Variants in ZNF618 observed in about 807,000 individuals in gnomAD.
The protein encoded by ZNF618 is neural precursor cell expressed, developmentally down-regulated 10.
ZNF618 carries 34 observed loss-of-function variants against 103.0 expected under a neutral mutation model. The ratio of observed to expected loss-of-function variants is 0.33; its 90% CI spans 0.25 to 0.44. The LOEUF (loss-of-function observed/expected upper bound fraction) is 0.44. Among genes scored for constraint, ZNF618 ranks in the 20% least tolerant of loss-of-function variants. The pLI is 1.00. For missense variants in ZNF618, 1,059 were observed against 1,295.4 expected, an observed-to-expected ratio of 0.82 and a Z score of 2.80; for synonymous variants, 551 against 542.2, an observed-to-expected ratio of 1.02 and a Z score of -0.23.
intron 2 of ZNF618, among the ~76,000 whole-genome samples, chr9:113,980,005 G>A (rs1341112487): frequency 6.6e-6 from 1 of 152,136 alleles, no homozygotes; most frequent in Non-Finnish European, 1.5e-5. Context: ...AACTGAAGTG[G>A]TGGTCGTGGT....
intron 10 of ZNF618, among the ~76,000 whole-genome samples, chr9:114,020,539 A>G (rs1208781929): frequency 1.3e-5 from 2 of 152,056 alleles, no homozygotes; most frequent in African/African-American, 4.8e-5. Flanking sequence ...ATTTCATTCC[A>G]TATCTCCAAG....
intron 1 of ZNF618, among the ~76,000 whole-genome samples, chr9:113,959,032 T>C (rs1564218856): frequency 6.6e-6 from 1 of 152,168 alleles, no homozygotes; most frequent in African/African-American, 2.4e-5. Context: ...CTCATGCCTG[T>C]AAATCCCAGC....
At chr9:113,990,217 G>A (rs149641317) in intron 3 of ZNF618, among the ~76,000 whole-genome samples, 2 of 152,246 alleles carry the variant, frequency 1.3e-5, no homozygotes, top group Non-Finnish European at 2.9e-5. Flanking sequence ...GGTGAGAGTG[G>A]GCTGTTTCTA....
intron 1 of ZNF618, among the ~76,000 whole-genome samples, chr9:113,907,829 C>T (rs1338059141): frequency 2.0e-5 from 3 of 152,192 alleles, no homozygotes; most frequent in Non-Finnish European, 4.4e-5. Flanking sequence ...ACTCTCTTTC[C>T]TTCCGATGGG....
intron 1 of ZNF618, among the ~76,000 whole-genome samples, chr9:113,881,199 G>C (rs1378353789): frequency 6.6e-6 from 1 of 152,214 alleles, no homozygotes; most frequent in Non-Finnish European, 1.5e-5. Context: ...TTTTTCTGGA[G>C]TTAGAGAGTC....
intron 13 of ZNF618, among the ~76,000 whole-genome samples, chr9:114,040,028 C>G (rs1844998956): frequency 6.6e-6 from 1 of 150,900 alleles, no homozygotes; most frequent in Non-Finnish European, 1.5e-5. Flanking sequence ...GAGCTTTTAA[C>G]TCATTTGTAT....
chr9:113,956,432 T>C (rs1340107872), intron 1 of ZNF618, among the ~76,000 whole-genome samples: 1 of 152,176 alleles, frequency 6.6e-6, no homozygotes, highest in Admixed American at 6.5e-5. Context: ...TTAAACTAGA[T>C]GAAATGATTC....
At chr9:114,034,071 C>G in intron 12 of ZNF618, among the ~76,000 whole-genome samples, 1 of 152,238 alleles carries the variant, frequency 6.6e-6, no homozygotes, top group East Asian at 1.9e-4. Context: ...TGAACACACA[C>G]AGCCCCGTGG....
At chr9:114,047,218 T>G (rs547320810) in intron 13 of ZNF618, among the ~76,000 whole-genome samples, 2 of 152,322 alleles carry the variant, frequency 1.3e-5, no homozygotes, top group East Asian at 3.9e-4. Flanking sequence ...AACAAAAAAC[T>G]AGAGAAGTAT....
In ZNF618 at chr9:114,055,783, C is replaced by T. The variant is rs1305717896; in HGVS notation, c.*5616C>T. ...AATATCTTTTTTAGGCCAGAGTTTT[C>T]TACAGGTATTAATGAATATTTTTCT... On this transcript the variant is annotated 3_prime_UTR_variant, in exon 15 of 15. Transcript: ENST00000374126. The T allele has an allele frequency of 6.6e-6, 1 of 151,380 alleles. No homozygotes were observed. Among genetic ancestry groups the T allele is most frequent in the Admixed American group, 6.6e-5 (1 of 15,168 alleles). The allele number at this position is 151,380 out of a possible 1,614,324, so 9.4% of individuals were successfully genotyped here. A position where few individuals can be genotyped will look rare whatever the true frequency, so the allele number is the denominator to read the frequency against.
intron 10 of ZNF618, among the ~76,000 whole-genome samples, chr9:114,017,062 C>T (rs554270721): frequency 4.1e-4 from 62 of 152,256 alleles, no homozygotes; most frequent in African/African-American, 1.4e-3. Flanking sequence ...GGGTGGACAT[C>T]ACTTGTCCAA....
chr9:114,017,531 G>C (rs1022586188), intron 10 of ZNF618, among the ~76,000 whole-genome samples: 1 of 152,150 alleles, frequency 6.6e-6, no homozygotes, highest in East Asian at 1.9e-4. Flanking sequence ...GAGCTAGGGG[G>C]CCCATCAGCC....
intron 9 of ZNF618, among the ~76,000 whole-genome samples, chr9:114,014,906 T>G (rs1000364752): frequency 6.6e-6 from 1 of 152,198 alleles, no homozygotes; most frequent in African/African-American, 2.4e-5. Context: ...TTACTAAATA[T>G]AGTTCACAGT....
At chr9:113,906,216 A>G (rs1312402236) in intron 1 of ZNF618, among the ~76,000 whole-genome samples, 4 of 152,114 alleles carry the variant, frequency 2.6e-5, no homozygotes, top group Admixed American at 2.6e-4. Context: ...GGCCCTTGTC[A>G]AGGCTGCGCT....
intron 1 of ZNF618, among the ~76,000 whole-genome samples, chr9:113,917,267 T>C (rs978688675): frequency 3.8e-5 from 5 of 130,256 alleles, no homozygotes; most frequent in Non-Finnish European, 8.0e-5. Context: ...TTTTGTGAGA[T>C]AGGGGTCTGG....
chr9:113,892,671 C>G (rs1206626175), intron 1 of ZNF618, among the ~76,000 whole-genome samples: 1 of 152,068 alleles, frequency 6.6e-6, no homozygotes, highest in African/African-American at 2.4e-5. Context: ...TAACTGGAAA[C>G]AAGCAGAAAA....
At chr9:113,888,617 G>A (rs1829300780) in intron 1 of ZNF618, among the ~76,000 whole-genome samples, 1 of 152,212 alleles carries the variant, frequency 6.6e-6, no homozygotes, top group African/African-American at 2.4e-5. Context: ...TGCCCTGATG[G>A]GACAGTAACA....
At chr9:114,022,601 CAAAAAAAAAAAA>C (rs56235947) in intron 10 of ZNF618, among the ~76,000 whole-genome samples, 1 of 90,788 alleles carries the variant, frequency 1.1e-5, no homozygotes, top group East Asian at 3.3e-4. Context: ...TCCACTTGAC[CAAAAAAAAAAAA>C]AAAAAAAAGG....
chr9:113,932,867 C>T (rs1335636788), intron 1 of ZNF618, among the ~76,000 whole-genome samples: 1 of 152,066 alleles, frequency 6.6e-6, no homozygotes, highest in Non-Finnish European at 1.5e-5. Flanking sequence ...AAGTCTGGAG[C>T]GCAGGCGAGC....
Sources: gnomAD v4.1 joint callset for allele counts (sites outside exome capture counted in the v4.1 genomes callset) on GRCh38, gnomAD v4.1.1 for gene constraint, MANE v1.5 for transcripts, NCBI Gene and HGNC (gene_info 2026-07-23, HGNC 2026-07-21) for gene names.